The following CNOT1 variants were observed in gnomAD, a reference collection of about 807,000 sequenced individuals.
The protein encoded by CNOT1 is CCR4-NOT transcription complex subunit 1, also known as CCR4-associated factor 1.
A neutral mutation model predicts 273.8 loss-of-function variants in CNOT1; 15 were observed. The ratio of observed to expected loss-of-function variants is 0.05; its 90% CI spans 0.04 to 0.08. The LOEUF is 0.08. CNOT1 is among the 10% of genes least tolerant of loss of function. The pLI is 1.00. For missense variants in CNOT1, 1,644 were observed against 2,912.2 expected, an observed-to-expected ratio of 0.56 and a Z score of 10.02; for synonymous variants, 1,022 against 1,005.5, an observed-to-expected ratio of 1.02 and a Z score of -0.31.
chr16:58,562,184 CA>C (rs71385174), intron 16 of CNOT1, among the ~76,000 whole-genome samples: 116 of 139,572 alleles, frequency 8.3e-4, no homozygotes, highest in Non-Finnish European at 1.0e-3. Flanking sequence ...GACTCCGTAT[CA>C]AAAAAAAAAA....
chr16:58,622,278 C>T (rs1273172915), intron 1 of CNOT1, among the ~76,000 whole-genome samples: 1 of 137,928 alleles, frequency 7.3e-6, no homozygotes, highest in Non-Finnish European at 1.5e-5. Context: ...GGCGCCACTG[C>T]ACTCCAGCCT....
intron 2 of CNOT1, among the ~76,000 whole-genome samples, chr16:58,596,704 G>A (rs1460639242): frequency 6.6e-6 from 1 of 151,852 alleles, no homozygotes; most frequent in African/African-American, 2.4e-5. Context: ...TGGCTAACAC[G>A]ATGAAACCCC....
chr16:58,576,593 G>T lies in CNOT1; in HGVS notation c.1585-11C>A, dbSNP rs775677190. The T allele has an allele frequency of 1.9e-6, 3 of 1,614,014 alleles. No individual in the cohort carries two copies. The South Asian group carries it at 3.3e-5, about 18-fold the overall frequency. On this transcript the variant is annotated splice_polypyrimidine_tract_variant and intron_variant, in intron 13 of 48. Coordinates refer to ENST00000317147, the MANE Select transcript of CNOT1 (RefSeq NM_016284.5). The stretch of plus-strand genomic sequence containing the variant: ...TGAGGGAGACTGTCCCTAAAAAGGG[G>T]AAGAAAGATTAAATAGCAATACTGC...
At position 58,594,121 on chromosome 16, in the gene CNOT1, G is replaced by A. The variant is rs955365394; in HGVS notation, c.102+5115C>T. On this transcript the variant is annotated intron_variant, in intron 2 of 48. Coordinates refer to ENST00000317147, the MANE Select transcript of CNOT1 (RefSeq NM_016284.5). ...TAGCTGGGTGTGGTGGCGCAGGCCT[G>A]TAATCCCAGCTACTCAGGAGGCTGA... 2.0e-5 allele frequency among the ~76,000 whole-genome samples: 3 copies of A among 152,296 alleles called. 1 individual carries two copies. The highest frequency in any genetic ancestry group is 4.1e-4 in the South Asian group (2 of 4,830).
At chr16:58,591,753 T>G (rs1391601537) in intron 2 of CNOT1, among the ~76,000 whole-genome samples, 1 of 147,684 alleles carries the variant, frequency 6.8e-6, no homozygotes, top group African/African-American at 2.5e-5. Flanking sequence ...AAACTCCGTC[T>G]CGAAAAAAAA....
chr16:58,527,658 A>AC (rs1324773708), intron 44 of CNOT1, among the ~76,000 whole-genome samples: 1 of 152,236 alleles, frequency 6.6e-6, no homozygotes, highest in African/African-American at 2.4e-5. Context: ...CATAAGCACT[A>AC]CAGATGTCAT....
At chr16:58,557,883 G>A (rs949847279) in intron 18 of CNOT1, among the ~76,000 whole-genome samples, 3 of 152,014 alleles carry the variant, frequency 2.0e-5, no homozygotes, top group African/African-American at 4.8e-5. Context: ...CCAGCTACTC[G>A]GGAGGCTGAG....
chr16:58,521,279 G>A lies in CNOT1; in HGVS notation c.6956C>T (p.Pro2319Leu). The change falls in exon 48 of 49, where the codon CCT (proline) becomes CTT (leucine). Residue 2319 changes from proline (P) to leucine (L), a missense_variant. Coordinates refer to ENST00000317147, the MANE Select transcript of CNOT1 (RefSeq NM_016284.5). ...AATGAAGGTAATAAGAAGACCCCAA[G>A]GATGTGGCCTATTTACAATCAACCG... ...LERLIVNRPH[P>L]WGLLITFIEL... 1 of 1,613,530 alleles carries A rather than the reference G, an allele frequency of 6.2e-7. No individual in the cohort carries two copies. The highest frequency in any genetic ancestry group is 8.5e-7 in the Non-Finnish European group (1 of 1,179,846).
intron 40 of CNOT1, chr16:58,533,058 G>C (rs1157657739): frequency 6.6e-6 from 1 of 152,534 alleles, no homozygotes; most frequent in Non-Finnish European, 1.5e-5. Context: ...TGTATATGGG[G>C]CAAATTCATA....
intron 13 of CNOT1, among the ~76,000 whole-genome samples, chr16:58,578,187 C>T (rs2151969951): frequency 6.6e-6 from 1 of 152,220 alleles, no homozygotes; most frequent in East Asian, 1.9e-4. Flanking sequence ...GGTGTGGTGG[C>T]TCACACCTGT....
intron 14 of CNOT1, 68 bp from the exon 15 acceptor site, chr16:58,575,197 GT>G: frequency 6.4e-7 from 1 of 1,558,260 alleles, no homozygotes; most frequent in Non-Finnish European, 8.6e-7. Context: ...CCCATATTCT[GT>G]TTTTCGCTTT....
chr16:58,618,239 C>G (rs997812669), intron 1 of CNOT1, among the ~76,000 whole-genome samples: 1 of 151,848 alleles, frequency 6.6e-6, no homozygotes, highest in African/African-American at 2.4e-5. Flanking sequence ...GAGTTCAAGG[C>G]TGCATTGAGC....
At chr16:58,539,466 TACACACACACAC>T (rs55998166) in intron 35 of CNOT1, among the ~76,000 whole-genome samples, 2 of 145,578 alleles carry the variant, frequency 1.4e-5, no homozygotes, top group African/African-American at 2.5e-5. Flanking sequence ...CCCTGTCTCT[TACACACACACAC>T]ACACACACAC....
intron 1 of CNOT1, among the ~76,000 whole-genome samples, chr16:58,607,368 T>C (rs770465895): frequency 2.0e-5 from 3 of 152,150 alleles, no homozygotes; most frequent in Non-Finnish European, 4.4e-5. Flanking sequence ...ACCTTTTGTT[T>C]GTATATATGC....
At position 58,575,145 on chromosome 16, in the gene CNOT1, C is replaced by A. The variant is rs772552457; in HGVS notation, c.1705-16G>T. 1.2e-6 allele frequency: 2 copies of A among 1,606,696 alleles called. No homozygotes were observed. The highest frequency in any genetic ancestry group is 1.1e-5 in the South Asian group (1 of 89,396). ...TTGACAAGGCCTAAAGGACAAAGCA[C>A]ATTAGATAATGCAAATGGAGCAATT... On this transcript the variant is annotated splice_polypyrimidine_tract_variant and intron_variant, in intron 14 of 48. Coordinates refer to ENST00000317147, the MANE Select transcript of CNOT1 (RefSeq NM_016284.5).
chr16:58,557,848 G>A (rs1478319462), intron 18 of CNOT1, among the ~76,000 whole-genome samples: 2 of 152,158 alleles, frequency 1.3e-5, no homozygotes, highest in East Asian at 1.9e-4. Context: ...AAATTAGCAT[G>A]GCATGGTGGC....
chr16:58,522,767 GA>G (rs777077420), intron 47 of CNOT1, among the ~76,000 whole-genome samples: 9 of 152,202 alleles, frequency 5.9e-5, no homozygotes, highest in Non-Finnish European at 1.2e-4. Context: ...CCACCTCAGA[GA>G]AACTCCTGAC....
intron 1 of CNOT1, among the ~76,000 whole-genome samples, chr16:58,600,060 A>G (rs1043911218): frequency 2.6e-5 from 4 of 151,750 alleles, no homozygotes; most frequent in African/African-American, 9.7e-5. Flanking sequence ...CAAGACTCCA[A>G]CTTGGGGGAA....
rs762089499 is a variant in CNOT1, at chr16:58,551,266, T to C, written c.3208A>G (p.Ile1070Val). 4 of 1,562,250 alleles carry C rather than the reference T, an allele frequency of 2.6e-6. No individual in the cohort carries two copies. Among genetic ancestry groups the C allele is most frequent in the Non-Finnish European group, 3.4e-6 (4 of 1,164,480 alleles). Residue 1070 changes from isoleucine to valine, a missense_variant, in exon 24 of 49, where the codon ATT (isoleucine) becomes GTT (valine). This residue lies in a region of CNOT1 where 124 missense variants were observed against 289.3 expected (regional missense o/e 0.43). Transcript: ENST00000317147. ...VSFKKDVPPS[I>V]NTTNIDTLLV... ...AACGTATCTATATTTGTAGTATTAA[T>C]AGAAGGCTAAAAAAAAAAAATAAAG...
Sources: allele counts gnomAD v4.1 joint callset (sites outside exome capture counted in the v4.1 genomes callset), GRCh38; gene constraint gnomAD v4.1.1; regional missense constraint gnomAD v4.1.1; transcripts MANE v1.5; gene names NCBI Gene and HGNC (gene_info 2026-07-23, HGNC 2026-07-21).